Variants in HOXD3 observed in about 807,000 individuals in gnomAD.
HOXD3 encodes the protein homeobox D3, also known as homeobox protein Hox-D3.
A neutral mutation model predicts 32.8 loss-of-function variants in HOXD3; 13 were observed. The observed-to-expected ratio is 0.40, with a 90% CI of 0.26 to 0.63. The LOEUF is 0.63. Ranked by LOEUF, HOXD3 falls within the 20% of genes least tolerant of loss-of-function variation. HOXD3 has a pLI of 0.44. For synonymous variants in HOXD3, 241 were observed against 246.8 expected, an observed-to-expected ratio of 0.98 and a Z score of 0.22; for missense variants, 504 against 577.1, an observed-to-expected ratio of 0.87 and a Z score of 1.30.
chr2:176,165,570 C>T (rs1356127705), intron 2 of HOXD3: 2 of 152,298 alleles, frequency 1.3e-5, no homozygotes, highest in African/African-American at 2.4e-5. Flanking sequence ...CGAGCCAGAC[C>T]TATTTGGCAC....
chr2:176,165,505 C>T (rs1460196409), intron 2 of HOXD3: 1 of 152,230 alleles, frequency 6.6e-6, no homozygotes, highest in Non-Finnish European at 1.5e-5. Context: ...TATTCCGGGC[C>T]TGCGGTTGGG....
chr2:176,170,930 T>C (rs2105454760), intron 3 of HOXD3, among the ~76,000 whole-genome samples: 1 of 152,272 alleles, frequency 6.6e-6, no homozygotes, highest in Admixed American at 6.5e-5. Context: ...GTTGGTTTTT[T>C]TTTATTTTTT....
At chr2:176,154,851 A>G (rs1474973136), upstream of HOXD3, among the ~76,000 whole-genome samples, 1 of 152,244 alleles carries the variant, frequency 6.6e-6, no homozygotes, top group Non-Finnish European at 1.5e-5. Flanking sequence ...CATTATTCAC[A>G]TCATTGTTTC....
In HOXD3 at chr2:176,171,505, C is replaced by T. The variant is rs1017639649; in HGVS notation, c.542-12C>T. On this transcript the variant is annotated splice_polypyrimidine_tract_variant and intron_variant, in intron 3 of 3. Transcript: ENST00000683222. ...CTCGCTCAGCGCCCTCCCTCTCTCC[C>T]TCCCTGCCCAGGAGAGAGCTGCGAG... 4 of 1,567,308 alleles carry T rather than the reference C, an allele frequency of 2.6e-6. No individual in the cohort carries two copies. Among genetic ancestry groups the T allele is most frequent in the Non-Finnish European group, 3.5e-6 (4 of 1,155,438 alleles).
At chr2:176,153,172 G>A (rs933904173), upstream of HOXD3, 1 of 571,342 alleles carries the variant, frequency 1.8e-6, no homozygotes, top group Non-Finnish European at 3.1e-6. Flanking sequence ...ATATTATATG[G>A]CAGGAGCTAC....
rs1461663489 is a variant in HOXD3, at chr2:176,169,356, A to C, written c.242A>C (p.His81Pro). The change falls in exon 3 of 4, where the codon CAC becomes CCC. Residue 81 changes from histidine to proline, a missense_variant. Physicochemically the swap from His to Pro is moderately conservative, Grantham distance 77. Coordinates refer to ENST00000683222, the MANE Select transcript of HOXD3 (RefSeq NM_006898.5). The part of the protein sequence containing the change: ...QSSAPLRAPA[H>P]KGAELNGSCM... The stretch of plus-strand genomic sequence containing the variant: ...TCTGCCCCTCTGAGAGCCCCAGCCC[A>C]CAAAGGAGCTGAACTCAATGGCAGC... 1 of 1,613,850 alleles carries C rather than the reference A, an allele frequency of 6.2e-7. No individual in the cohort carries two copies. The highest frequency in any genetic ancestry group is 8.5e-7 in the Non-Finnish European group (1 of 1,179,950).
chr2:176,172,068 T>C lies in HOXD3; in HGVS notation c.1093T>C (p.Ser365Pro), dbSNP rs1456666285. 7 of 1,610,424 alleles carry C rather than the reference T, an allele frequency of 4.3e-6. No homozygotes were observed. The East Asian group carries it at 1.1e-4, about 26-fold the overall frequency. ...PVYVGGNFVESMAPASGPVFN... is the reference protein window; with the variant it reads ...PVYVGGNFVEPMAPASGPVFN... ...GTACGTGGGCGGCAACTTCGTCGAG[T>C]CCATGGCGCCCGCGTCCGGGCCTGT... is the stretch of plus-strand genomic sequence containing the variant. The change falls in exon 4 of 4, where the codon TCC becomes CCC. Residue 365 changes from serine (S) to proline (P), a missense_variant. Physicochemically the swap from Ser to Pro is moderately conservative, Grantham distance 74. Coordinates refer to ENST00000683222, the MANE Select transcript of HOXD3 (RefSeq NM_006898.5).
At chr2:176,153,202 C>A, upstream of HOXD3, 1 of 505,882 alleles carries the variant, frequency 2.0e-6, no homozygotes, top group Non-Finnish European at 3.5e-6. Flanking sequence ...AAAATCTTGG[C>A]GAGTCATTAA....
rs753904122 is a variant in HOXD3, at chr2:176,171,637, G to A, written c.662G>A (p.Arg221Gln). ...KEFHFNRYLC[R>Q]PRRVEMANLL... Reference sequence around the variant, plus strand: ...TTCCACTTCAACCGCTACTTGTGCCGGCCGCGCCGCGTGGAGATGGCCAAC... The same window carrying A: ...TTCCACTTCAACCGCTACTTGTGCCAGCCGCGCCGCGTGGAGATGGCCAAC... The change falls in exon 4 of 4, where the codon CGG (arginine) becomes CAG (glutamine). Residue 221 changes from arginine (R) to glutamine (Q), a missense_variant. By Grantham distance (43) the Arg-to-Gln change is conservative. Transcript: ENST00000683222. 1.2e-6 allele frequency: 2 copies of A among 1,614,230 alleles called. No homozygotes were observed. The highest frequency in any genetic ancestry group is 1.1e-5 in the South Asian group (1 of 91,086).
intron 2 of HOXD3, chr2:176,164,498 C>A (rs1032583921): frequency 6.6e-6 from 1 of 152,148 alleles, no homozygotes; most frequent in African/African-American, 2.4e-5. Context: ...TTGGGCGGAA[C>A]GTAAAGAAGT....
chr2:176,172,226 C>G lies in HOXD3; in HGVS notation c.1251C>G (p.His417Gln). Residue 417 changes from histidine (H) to glutamine (Q), a missense_variant, in exon 4 of 4, where the codon CAC (histidine) becomes CAG (glutamine). This residue lies in a region of HOXD3 where 226 missense variants were observed against 246.9 expected (regional missense o/e 0.92). Transcript: ENST00000683222. ...CCTACACAGATCTCTCGGCCCACCACTCGTCTCAGGGACGACTGCCGGAGG... is the reference window on the plus strand; with the variant it reads ...CCTACACAGATCTCTCGGCCCACCAGTCGTCTCAGGGACGACTGCCGGAGG... ...HPTYTDLSAHHSSQGRLPEAP... is the reference protein window; with the variant it reads ...HPTYTDLSAHQSSQGRLPEAP... 9.3e-6 allele frequency: 15 copies of G among 1,610,568 alleles called. No homozygotes were observed. The highest frequency in any genetic ancestry group is 1.3e-5 in the Non-Finnish European group (15 of 1,179,900).
At chr2:176,153,924 T>C (rs1192205040), upstream of HOXD3, among the ~76,000 whole-genome samples, 1 of 152,206 alleles carries the variant, frequency 6.6e-6, no homozygotes, top group African/African-American at 2.4e-5. Context: ...TGACTGAATT[T>C]TCTGTTCCAA....
At chr2:176,162,721 CA>C (rs1690847536) in intron 1 of HOXD3, among the ~76,000 whole-genome samples, 1 of 152,182 alleles carries the variant, frequency 6.6e-6, no homozygotes, top group South Asian at 2.1e-4. Flanking sequence ...CCGGAACCCC[CA>C]GGCGCAAACT....
At chr2:176,170,737 C>A (rs1243011966) in intron 3 of HOXD3, among the ~76,000 whole-genome samples, 8 of 152,068 alleles carry the variant, frequency 5.3e-5, no homozygotes, top group Non-Finnish European at 1.2e-4. Context: ...CAGGCCCTCC[C>A]TCCCAGGAGA....
chr2:176,155,134 A>G (rs1223665006), upstream of HOXD3, among the ~76,000 whole-genome samples: 1 of 152,220 alleles, frequency 6.6e-6, no homozygotes, highest in African/African-American at 2.4e-5. Context: ...AGGAGCCGCT[A>G]TCCTTAGGCA....
At chr2:176,163,253 G>C (rs918782469) in intron 1 of HOXD3, among the ~76,000 whole-genome samples, 1 of 152,130 alleles carries the variant, frequency 6.6e-6, no homozygotes, top group Non-Finnish European at 1.5e-5. Context: ...AGGCTTTCCC[G>C]GGTGTAGTTT....
Position 176,172,410 on chromosome 2 carries a change from C to A in HOXD3, c.*136C>A. ...TGCCGCCGCCTCCCGGGTCTCAGGC[C>A]TCCAGCGGCGGAGGCGCAGGCGACC... is the stretch of plus-strand genomic sequence containing the variant. On this transcript the variant is annotated 3_prime_UTR_variant, in exon 4 of 4. Coordinates refer to ENST00000683222, the MANE Select transcript of HOXD3 (RefSeq NM_006898.5). The A allele has an allele frequency of 1.1e-6, 1 of 889,114 alleles. No homozygotes were observed. The highest frequency in any genetic ancestry group is 1.7e-6 in the Non-Finnish European group (1 of 606,012). 55.1% of individuals were successfully genotyped at this position (889,114 alleles called of 1,614,324 possible).
Position 176,172,552 on chromosome 2 carries a change from T to C in HOXD3, c.*278T>C, listed in dbSNP as rs1459336569. On this transcript the variant is annotated 3_prime_UTR_variant, in exon 4 of 4. Transcript: ENST00000683222. ...GGACCAAGGGACTCCAATCTGGTAA[T>C]GGTGTCCCAAAGGTAAGTCTGAGAC... 2.2e-6 allele frequency: 1 copy of C among 465,040 alleles called. No homozygotes were observed. Among genetic ancestry groups the C allele is most frequent in the Admixed American group, 3.9e-5 (1 of 25,536 alleles). The allele number at this position is 465,040 out of a possible 1,614,324, so 28.8% of individuals were successfully genotyped here.
chr2:176,163,680 A>T (rs984269954), intron 1 of HOXD3, among the ~76,000 whole-genome samples: 1 of 151,986 alleles, frequency 6.6e-6, no homozygotes, highest in Non-Finnish European at 1.5e-5. Context: ...CCCCACCTTA[A>T]TTCTGCACGG....
Sources: allele counts gnomAD v4.1 joint callset (sites outside exome capture counted in the v4.1 genomes callset), GRCh38; gene constraint gnomAD v4.1.1; regional missense constraint gnomAD v4.1.1; transcripts MANE v1.5; gene names NCBI Gene and HGNC (gene_info 2026-07-23, HGNC 2026-07-21).